The following RNF4 variants were observed in gnomAD, a reference collection of about 807,000 sequenced individuals.
RNF4 encodes ring finger protein 4.
Under a neutral mutation model 24.3 loss-of-function variants are expected in RNF4, and 7 were observed. The observed-to-expected ratio is 0.29, with a 90% CI of 0.16 to 0.54. The LOEUF (loss-of-function observed/expected upper bound fraction) is 0.54, where lower values mean the gene tolerates loss of function less well. RNF4 is among the 20% of genes least tolerant of loss of function. RNF4 has a pLI of 0.95. For synonymous variants in RNF4, 83 were observed against 84.3 expected (o/e 0.98, Z 0.09); for missense variants, 209 against 248.5 (o/e 0.84, Z 1.07).
At chr4:2,489,812 C>T (rs192792381) in intron 1 of RNF4, 2 of 152,430 alleles carry the variant, frequency 1.3e-5, no homozygotes, top group East Asian at 3.8e-4. Flanking sequence ...TTCCTCAAAG[C>T]TTCTGCTTGG....
At chr4:2,488,865 G>A (rs1735496384) in intron 1 of RNF4, among the ~76,000 whole-genome samples, 1 of 151,894 alleles carries the variant, frequency 6.6e-6, no homozygotes, top group South Asian at 2.1e-4. Flanking sequence ...GTTGTCCAGG[G>A]TGGAGTGTAA....
intron 1 of RNF4, chr4:2,479,871 ACT>A (rs1471685421): frequency 3.3e-5 from 5 of 152,050 alleles, no homozygotes; most frequent in African/African-American, 9.6e-5. Flanking sequence ...TTTCAAAAAC[ACT>A]CTGCCATCTT....
At position 2,512,067 on chromosome 4, in the gene RNF4, G is replaced by A; in HGVS notation, c.214+102G>A. The A allele has an allele frequency of 1.8e-6, 2 of 1,131,556 alleles. No homozygotes were observed. Among genetic ancestry groups the A allele is most frequent in the Non-Finnish European group, 2.6e-6 (2 of 775,562 alleles). The allele number at this position is 1,131,556 out of a possible 1,614,324, so 70.1% of individuals were successfully genotyped here. A position where few individuals can be genotyped will look rare whatever the true frequency, so the allele number is the denominator to read the frequency against. The stretch of plus-strand genomic sequence containing the variant: ...TTGCCAGACCATCCCCAAGGGCTTG[G>A]AGCGCTCCAAGCAGGAAGATGCCTT... On this transcript the variant is annotated intron_variant, in intron 5 of 7. Coordinates refer to ENST00000314289, the MANE Select transcript of RNF4 (RefSeq NM_002938.5). This position sits in a 1 kb window ranked among gnomAD's most constrained non-coding sequence, Gnocchi z 4.1.
chr4:2,500,274 G>A (rs115045410), intron 3 of RNF4, among the ~76,000 whole-genome samples: 345 of 152,244 alleles, frequency 2.3e-3, no homozygotes, highest in Middle Eastern at 0.01. Context: ...GCTGGGAGGA[G>A]CAGAGGTTTC....
intron 4 of RNF4, among the ~76,000 whole-genome samples, chr4:2,509,661 G>C (rs1217506052): frequency 6.6e-6 from 1 of 152,124 alleles, no homozygotes; most frequent in African/African-American, 2.4e-5. Flanking sequence ...TGTATCACCT[G>C]CTGCTTGCCA....
chr4:2,513,349 C>G (rs538426709), intron 7 of RNF4, among the ~76,000 whole-genome samples: 1 of 152,158 alleles, frequency 6.6e-6, no homozygotes, highest in Non-Finnish European at 1.5e-5. Context: ...TCCTGTATGC[C>G]CTGAGCTTCC....
intron 2 of RNF4, among the ~76,000 whole-genome samples, chr4:2,495,143 G>A (rs1385165910): frequency 2.0e-5 from 3 of 152,196 alleles, no homozygotes; most frequent in Admixed American, 6.5e-5. Context: ...GGCTGCTGTC[G>A]CTTGGCCTCT....
At chr4:2,497,298 T>C in intron 3 of RNF4, 177 bp downstream of exon 3, 1 of 512,406 alleles carries the variant, frequency 2.0e-6, no homozygotes. Flanking sequence ...CTGGGCTAAC[T>C]GTTCAACTCT....
At chr4:2,472,769 C>T (rs1040441381) in intron 1 of RNF4, among the ~76,000 whole-genome samples, 2 of 152,134 alleles carry the variant, frequency 1.3e-5, no homozygotes, top group Non-Finnish European at 2.9e-5. Flanking sequence ...TCTCCAGGCA[C>T]GGTGGCTCAC....
intron 1 of RNF4, among the ~76,000 whole-genome samples, chr4:2,476,710 T>C (rs1326565652): frequency 6.6e-6 from 1 of 151,130 alleles, no homozygotes. Context: ...CTTTCTTTTT[T>C]TTTTTTTTTT....
At chr4:2,504,556 A>ATTTATTTG in intron 4 of RNF4, among the ~76,000 whole-genome samples, 1 of 146,908 alleles carries the variant, frequency 6.8e-6, no homozygotes, top group Non-Finnish European at 1.5e-5. Context: ...TTATTTATTT[A>ATTTATTTG]TTTATTTATT....
chr4:2,474,871 A>G (rs9685841), intron 1 of RNF4, among the ~76,000 whole-genome samples: 2 of 152,034 alleles, frequency 1.3e-5, no homozygotes, highest in Non-Finnish European at 1.5e-5. Flanking sequence ...CTAAAAATAC[A>G]AAAAAATTAG....
At chr4:2,500,591 A>C in intron 3 of RNF4, 68 bp from the exon 4 acceptor site, 1 of 1,504,602 alleles carries the variant, frequency 6.6e-7, no homozygotes, top group South Asian at 1.2e-5. Flanking sequence ...AGTCATACTA[A>C]AGTGTAGAGG....
Position 2,512,705 on chromosome 4 carries a change from C to G in RNF4, c.374+108C>G, listed in dbSNP as rs950220367. ...GCCCTTGGCCCTGGAAGGGCTTGCC[C>G]AAGCCTCTACCCAGCATCTGGATAC... On this transcript the variant is annotated intron_variant, in intron 6 of 7. Coordinates refer to ENST00000314289, the MANE Select transcript of RNF4 (RefSeq NM_002938.5). The surrounding 1 kb of genome is among the most constrained non-coding windows in gnomAD (Gnocchi z 4.1). The G allele has an allele frequency of 2.7e-5, 35 of 1,276,394 alleles. No homozygotes were observed. Among genetic ancestry groups the G allele is most frequent in the Non-Finnish European group, 3.7e-5 (34 of 929,492 alleles). The allele number at this position is 1,276,394 out of a possible 1,614,324, so 79.1% of individuals were successfully genotyped here.
chr4:2,504,854 T>A (rs896497689), intron 4 of RNF4, among the ~76,000 whole-genome samples: 1 of 149,816 alleles, frequency 6.7e-6, no homozygotes, highest in Non-Finnish European at 1.5e-5. Flanking sequence ...TGCCTCAGCC[T>A]ATTGAGTAGC....
At chr4:2,508,616 T>C (rs1407560747) in intron 4 of RNF4, among the ~76,000 whole-genome samples, 4 of 152,208 alleles carry the variant, frequency 2.6e-5, no homozygotes, top group Non-Finnish European at 5.9e-5. Flanking sequence ...GTTTTTGTTT[T>C]GTTTTGTTTT....
intron 3 of RNF4, among the ~76,000 whole-genome samples, chr4:2,498,343 C>T (rs1735800550): frequency 6.6e-6 from 1 of 152,058 alleles, no homozygotes; most frequent in South Asian, 2.1e-4. Context: ...ACCACCACAC[C>T]CGGCTAAATT....
intron 1 of RNF4, among the ~76,000 whole-genome samples, chr4:2,478,554 G>A (rs1364751477): frequency 6.6e-6 from 1 of 152,252 alleles, no homozygotes; most frequent in Non-Finnish European, 1.5e-5. Context: ...CGTCTCAGCT[G>A]TGGCCAAAAG....
At chr4:2,472,844 T>A (rs1238165406) in intron 1 of RNF4, among the ~76,000 whole-genome samples, 1 of 150,548 alleles carries the variant, frequency 6.6e-6, no homozygotes, top group East Asian at 2.0e-4. Context: ...ATCGAGACCA[T>A]CCTGGCTAAC....
Sources: allele counts gnomAD v4.1 joint callset (sites outside exome capture counted in the v4.1 genomes callset), GRCh38; gene constraint gnomAD v4.1.1; non-coding constraint Gnocchi (gnomAD v3.1); transcripts MANE v1.5; gene names NCBI Gene and HGNC (gene_info 2026-07-23, HGNC 2026-07-21).